TRIM9: variants seen among roughly 807,000 people sequenced by gnomAD.
TRIM9 encodes tripartite motif containing 9.
In TRIM9, 26 loss-of-function variants were observed where a neutral mutation model predicts 78.3. The observed-to-expected ratio is 0.33, with a 90% CI of 0.24 to 0.46. TRIM9 has a LOEUF of 0.46. Among genes scored for constraint, TRIM9 ranks in the 20% least tolerant of loss-of-function variants. The pLI is 1.00. For synonymous variants in TRIM9, 398 were observed against 416.5 expected (o/e 0.96, Z 0.54); for missense variants, 787 against 1,036.4 (o/e 0.76, Z 3.30).
chr14:51,042,481 T>C (rs1230528323), intron 1 of TRIM9, among the ~76,000 whole-genome samples: 2 of 152,246 alleles, frequency 1.3e-5, no homozygotes, highest in African/African-American at 4.8e-5. Flanking sequence ...TTTAAATCTT[T>C]TATTTCTAGT....
At chr14:51,027,674 A>G (rs1172079120) in intron 1 of TRIM9, among the ~76,000 whole-genome samples, 1 of 152,226 alleles carries the variant, frequency 6.6e-6, no homozygotes, top group Admixed American at 6.5e-5. Context: ...TCTCAGCTAC[A>G]ATATTATTTG....
intron 1 of TRIM9, among the ~76,000 whole-genome samples, chr14:51,067,547 C>G (rs1035017251): frequency 5.9e-5 from 9 of 152,174 alleles, no homozygotes; most frequent in Non-Finnish European, 2.9e-5. Context: ...TCTCTCTGAC[C>G]TTATCTCTTA....
intron 1 of TRIM9, among the ~76,000 whole-genome samples, chr14:51,049,603 G>T (rs2140061830): frequency 6.6e-6 from 1 of 152,160 alleles, no homozygotes; most frequent in South Asian, 2.1e-4. Context: ...CGAGAGGGGT[G>T]GATCATGAGG....
At position 50,975,493 on chromosome 14, in the gene TRIM9, T is replaced by C. The variant is rs2051029748; in HGVS notation, c.*1798A>G. On this transcript the variant is annotated 3_prime_UTR_variant, in exon 13 of 13. Coordinates refer to ENST00000684578, the MANE Select transcript of TRIM9 (RefSeq NM_001387360.1). ...ATCAAATATCAAACTAGTGTTGCCC[T>C]GCAACAGTTTTTCTGTAGCCAAGAA... is the stretch of plus-strand genomic sequence containing the variant. The C allele has an allele frequency of 6.6e-6, 1 of 152,622 alleles. No homozygotes were observed. Among genetic ancestry groups the C allele is most frequent in the African/African-American group, 2.4e-5 (1 of 41,452 alleles). The allele number at this position is 152,622 out of a possible 1,614,324, so 9.5% of individuals were successfully genotyped here. A position where few individuals can be genotyped will look rare whatever the true frequency, so the allele number is the denominator to read the frequency against.
At position 51,022,845 on chromosome 14, in the gene TRIM9, T is replaced by C; in HGVS notation, c.1031A>G (p.His344Arg). ...TGATGCAGCACTCACCTTCAGCTTGTGCTCATGCTCCTTGTTGACGCGGGC... is the reference window on the plus strand; with the variant it reads ...TGATGCAGCACTCACCTTCAGCTTGCGCTCATGCTCCTTGTTGACGCGGGC... ...LLARVNKEHE[H>R]KLKVVRDQIS... is the part of the protein sequence containing the mutation. The change falls in exon 3 of 13, where the codon CAC (histidine) becomes CGC (arginine). Residue 344 changes from histidine (H) to arginine (R), a missense_variant. His to Arg is a conservative substitution (Grantham distance 29). Coordinates refer to ENST00000684578, the MANE Select transcript of TRIM9 (RefSeq NM_001387360.1). 1 of 1,614,176 alleles carries C rather than the reference T, an allele frequency of 6.2e-7. No individual in the cohort carries two copies. Among genetic ancestry groups the C allele is most frequent in the Non-Finnish European group, 8.5e-7 (1 of 1,180,018 alleles).
intron 1 of TRIM9, among the ~76,000 whole-genome samples, chr14:51,059,984 T>C (rs544507254): frequency 6.0e-4 from 92 of 152,304 alleles, no homozygotes; most frequent in Non-Finnish European, 1.1e-3. Context: ...AAATTGTTTC[T>C]TAAAAAAGTG....
At chr14:51,080,726 G>A (rs1480704314) in intron 1 of TRIM9, among the ~76,000 whole-genome samples, 8 of 152,016 alleles carry the variant, frequency 5.3e-5, no homozygotes, top group Non-Finnish European at 2.9e-5. Context: ...TTTGAATACT[G>A]CCATGGTAAC....
chr14:50,983,582 C>A (rs755980340), intron 8 of TRIM9, among the ~76,000 whole-genome samples, 161 bp from the exon 9 acceptor site: 20 of 152,190 alleles, frequency 1.3e-4, no homozygotes, highest in Non-Finnish European at 2.5e-4. Flanking sequence ...GGGTAAAAAA[C>A]TGCCCCTCTG....
chr14:51,042,728 C>A (rs1180762119), intron 1 of TRIM9, among the ~76,000 whole-genome samples: 1 of 152,138 alleles, frequency 6.6e-6, no homozygotes, highest in East Asian at 1.9e-4. Flanking sequence ...GAGGCTTAGT[C>A]TTATTTGCAG....
intron 1 of TRIM9, among the ~76,000 whole-genome samples, chr14:51,044,020 T>C (rs2059760082): frequency 6.6e-6 from 1 of 152,244 alleles, no homozygotes; most frequent in Non-Finnish European, 1.5e-5. Flanking sequence ...ATGGTCTAAA[T>C]TGAATCAGGT....
chr14:50,975,612 AAAGT>A lies in TRIM9; in HGVS notation c.*1675_*1678del, dbSNP rs2051039230. The A allele has an allele frequency of 6.6e-6, 1 of 152,670 alleles. No homozygotes were observed. Among genetic ancestry groups the A allele is most frequent in the African/African-American group, 2.4e-5 (1 of 41,450 alleles). The allele number at this position is 152,670 out of a possible 1,614,324, so 9.5% of individuals were successfully genotyped here. A position where few individuals can be genotyped will look rare whatever the true frequency, so the allele number is the denominator to read the frequency against. ...TGTAACTGATAGAAATAATCTAAAT[AAAGT>A]AAGCACAAAAGTAAATAATTAGCTA... On this transcript the variant is annotated 3_prime_UTR_variant, in exon 13 of 13. Transcript: ENST00000684578.
chr14:51,008,991 T>C, intron 5 of TRIM9, 89 bp downstream of exon 5: 1 of 1,337,894 alleles, frequency 7.5e-7, no homozygotes, highest in Non-Finnish European at 1.0e-6. Flanking sequence ...ATATTCTTGT[T>C]ACATTAGCCA....
At chr14:51,077,448 A>C (rs956643114) in intron 1 of TRIM9, among the ~76,000 whole-genome samples, 1 of 131,068 alleles carries the variant, frequency 7.6e-6, no homozygotes, top group Non-Finnish European at 1.5e-5. Context: ...GCTGGAGTGC[A>C]GTGGCACAAT....
At chr14:51,024,753 G>T (rs2058065015) in intron 2 of TRIM9, among the ~76,000 whole-genome samples, 1 of 151,754 alleles carries the variant, frequency 6.6e-6, no homozygotes, top group South Asian at 2.1e-4. Flanking sequence ...GGTCAGGGAG[G>T]AAGAAAAGAA....
intron 10 of TRIM9, 110 bp from the exon 11 acceptor site, chr14:50,982,213 T>A (rs532209599): frequency 7.4e-7 from 1 of 1,354,810 alleles, no homozygotes; most frequent in Non-Finnish European, 1.0e-6. Flanking sequence ...CATGCTGCCA[T>A]GCAGGAAGGA....
chr14:50,999,698 G>C (rs951420705), intron 6 of TRIM9, among the ~76,000 whole-genome samples: 1 of 152,120 alleles, frequency 6.6e-6, no homozygotes, highest in Non-Finnish European at 1.5e-5. Flanking sequence ...GGTTTTTTTA[G>C]ACAGGGGTCT....
intron 6 of TRIM9, among the ~76,000 whole-genome samples, chr14:50,999,510 C>G (rs541845574): frequency 1.6e-4 from 24 of 152,114 alleles, no homozygotes; most frequent in African/African-American, 5.8e-4. Flanking sequence ...AAAGAGAGAA[C>G]CTTTGTCCTT....
In TRIM9 at chr14:50,975,719, T is replaced by C. The variant is rs2051046482; in HGVS notation, c.*1572A>G. On this transcript the variant is annotated 3_prime_UTR_variant, in exon 13 of 13. Coordinates refer to ENST00000684578, the MANE Select transcript of TRIM9 (RefSeq NM_001387360.1). The stretch of plus-strand genomic sequence containing the variant: ...ATCTCTTCCCTTCTATTTGTTATTC[T>C]TGTTTTTTCATGGTGAATTTCTTGG... 1 of 152,690 alleles carries C rather than the reference T, an allele frequency of 6.5e-6. No homozygotes were observed. 9.5% of individuals were successfully genotyped at this position (152,690 alleles called of 1,614,324 possible).
intron 5 of TRIM9, among the ~76,000 whole-genome samples, chr14:51,002,859 A>G (rs1375316349): frequency 6.6e-6 from 1 of 152,242 alleles, no homozygotes; most frequent in Non-Finnish European, 1.5e-5. Context: ...AATCAAAATT[A>G]GTGCCTGTTA....
Sources: gnomAD v4.1 joint callset for allele counts (sites outside exome capture counted in the v4.1 genomes callset) on GRCh38, gnomAD v4.1.1 for gene constraint, MANE v1.5 for transcripts, NCBI Gene and HGNC (gene_info 2026-07-23, HGNC 2026-07-21) for gene names.